Variants in RYR2 observed in about 807,000 individuals in gnomAD.
The protein encoded by RYR2 is cardiac muscle ryanodine receptor-calcium release channel.
Under a neutral mutation model 601.1 loss-of-function variants are expected in RYR2, and 227 were observed. The ratio of observed to expected loss-of-function variants is 0.38; its 90% confidence interval spans 0.34 to 0.42. The LOEUF is 0.42. RYR2 is among the 10% of genes least tolerant of loss of function. RYR2 has a pLI of 1.00. For missense variants in RYR2, 4,646 were observed against 6,156.5 expected (o/e 0.75, Z 8.21); for synonymous variants, 2,223 against 2,175.1 (o/e 1.02, Z -0.61).
At chr1:237,794,131 T>A in intron 95 of RYR2, 134 bp downstream of exon 95, 1 of 750,030 alleles carries the variant, frequency 1.3e-6, no homozygotes, top group Non-Finnish European at 2.1e-6. Context: ...AAGAAAAATC[T>A]AAAGACTCAG....
rs576255347 is a variant in RYR2 at position 237,050,039 on chromosome 1, A to G, written c.48+7470A>G. Among the ~76,000 whole-genome samples the G allele has an allele frequency of 1.3e-4, 20 of 152,250 alleles. No individual in the cohort carries two copies. In the East Asian group the frequency reaches 1.4e-3, roughly 10 times the overall value. On this transcript the variant is annotated intron_variant, in intron 1 of 104. Transcript: ENST00000366574. ...AAAGTTCTGTAGTGGTGTTGCTGCA[A>G]TGAAATGGAAGTCCAAGGCATTCCC...
intron 1 of RYR2, among the ~76,000 whole-genome samples, chr1:237,214,601 G>C (rs114885332): frequency 6.6e-6 from 1 of 152,100 alleles, no homozygotes; most frequent in Non-Finnish European, 1.5e-5. Context: ...ACTTCCTACC[G>C]GGTTCCACCT....
intron 104 of RYR2, among the ~76,000 whole-genome samples, chr1:237,832,202 C>CTT (rs34580579): frequency 1.3e-5 from 2 of 148,544 alleles, no homozygotes; most frequent in Non-Finnish European, 3.0e-5. Flanking sequence ...CCACACCTGG[C>CTT]TTTTTTTTGT....
intron 2 of RYR2, among the ~76,000 whole-genome samples, chr1:237,310,823 C>T (rs1394956130): frequency 6.6e-6 from 1 of 152,112 alleles, no homozygotes; most frequent in African/African-American, 2.4e-5. Context: ...TTAATATTTA[C>T]TACACAGTTT....
chr1:237,675,434 T>C (rs1226675138), intron 60 of RYR2, among the ~76,000 whole-genome samples: 1 of 152,198 alleles, frequency 6.6e-6, no homozygotes, highest in Admixed American at 6.5e-5. Context: ...TTCTGTTATT[T>C]TGTGGTCCTC....
intron 96 of RYR2, among the ~76,000 whole-genome samples, chr1:237,795,787 C>A (rs1026151230): frequency 3.4e-5 from 5 of 149,150 alleles, no homozygotes; most frequent in Admixed American, 6.7e-5. Context: ...AATGGCCGGG[C>A]GCGGTGGCTC....
intron 41 of RYR2, among the ~76,000 whole-genome samples, chr1:237,629,722 C>T (rs1472007226): frequency 6.6e-6 from 1 of 152,006 alleles, no homozygotes; most frequent in Non-Finnish European, 1.5e-5. Context: ...AACTCAAATA[C>T]AATCCTGAGG....
intron 3 of RYR2, 93 bp from the exon 4 acceptor site, chr1:237,355,872 C>T (rs1390710775): frequency 8.6e-7 from 1 of 1,156,916 alleles, no homozygotes; most frequent in Non-Finnish European, 1.2e-6. Flanking sequence ...GGTGCAAGGA[C>T]CAAATTGATA....
intron 98 of RYR2, chr1:237,802,152 T>G (rs2149420575): frequency 3.0e-6 from 1 of 337,620 alleles, no homozygotes; most frequent in East Asian, 4.5e-5. Flanking sequence ...GAGATGCAGA[T>G]TTGTGAGTAC....
At position 237,819,399 on chromosome 1, in the gene RYR2, T is replaced by C. The variant is rs754577170; in HGVS notation, c.14590+207T>C. 7.5e-4 allele frequency among the ~76,000 whole-genome samples: 114 copies of C among 152,346 alleles called. No homozygotes were observed. Among genetic ancestry groups the C allele is most frequent in the Non-Finnish European group, 1.3e-3 (86 of 68,042 alleles). On this transcript the variant is annotated intron_variant, in intron 101 of 104. Coordinates refer to ENST00000366574, the MANE Select transcript of RYR2 (RefSeq NM_001035.3). This position sits in a 1 kb window ranked among gnomAD's most constrained non-coding sequence, Gnocchi z 4.0. Reference sequence around the variant, plus strand: ...CTGGTATGAAGGGAAGATACAGTGTTATTTTGTCTTCTTTCAAATAACATA... The same window carrying C: ...CTGGTATGAAGGGAAGATACAGTGTCATTTTGTCTTCTTTCAAATAACATA...
chr1:237,315,242 A>G (rs1178199882), intron 2 of RYR2, among the ~76,000 whole-genome samples: 3 of 152,258 alleles, frequency 2.0e-5, no homozygotes, highest in African/African-American at 4.8e-5. Context: ...TATTTCCTAC[A>G]AGGCTGCACT....
In RYR2 at chr1:237,149,924, C is replaced by T. The variant is rs77056592; in HGVS notation, c.48+107355C>T. ...TACATATGCTGGCCCATTTTCCACC[C>T]GAGATAGCTCATTAGGGGGGTTTTG... On this transcript the variant is annotated intron_variant, in intron 1 of 104. Transcript: ENST00000366574. 2.9e-3 allele frequency among the ~76,000 whole-genome samples: 443 copies of T among 152,260 alleles called. 2 individuals carry two copies. Among genetic ancestry groups the T allele is most frequent in the African/African-American group, 0.01 (419 of 41,550 alleles).
chr1:237,567,068 C>G (rs75979007), intron 28 of RYR2, among the ~76,000 whole-genome samples: 1 of 151,924 alleles, frequency 6.6e-6, no homozygotes. Flanking sequence ...TATACATTGA[C>G]GCAGCGATTC....
chr1:237,071,995 G>A (rs973545960), intron 1 of RYR2, among the ~76,000 whole-genome samples: 2 of 152,364 alleles, frequency 1.3e-5, no homozygotes, highest in African/African-American at 2.4e-5. Context: ...GCAGGCACTG[G>A]AGGTGGGGAA....
At chr1:237,541,278 AT>A (rs1669231771) in intron 25 of RYR2, among the ~76,000 whole-genome samples, 1 of 152,206 alleles carries the variant, frequency 6.6e-6, no homozygotes, top group Non-Finnish European at 1.5e-5. Context: ...TGTAGCCAGA[AT>A]GCAGCCTGAC....
intron 6 of RYR2, 76 bp downstream of exon 6, chr1:237,369,684 A>G (rs1322461033): frequency 1.7e-6 from 2 of 1,184,730 alleles, no homozygotes; most frequent in Non-Finnish European, 2.4e-6. Context: ...AAATGCTGGT[A>G]GCATCATTTC....
At chr1:237,281,428 A>G (rs1690857314) in intron 2 of RYR2, among the ~76,000 whole-genome samples, 1 of 150,922 alleles carries the variant, frequency 6.6e-6, no homozygotes, top group African/African-American at 2.5e-5. Flanking sequence ...ACTTAGGAAA[A>G]CACTGATGTC....
chr1:237,515,902 TTCTCCC>T (rs1558953288), intron 24 of RYR2, among the ~76,000 whole-genome samples: 21 of 141,094 alleles, frequency 1.5e-4, no homozygotes, highest in Admixed American at 2.9e-4. Context: ...CCTCTTCTCC[TTCTCCC>T]TCTTCTCCCT....
chr1:237,167,493 T>G (rs1676839173), intron 1 of RYR2, among the ~76,000 whole-genome samples: 1 of 152,154 alleles, frequency 6.6e-6, no homozygotes, highest in Non-Finnish European at 1.5e-5. Context: ...TGCAATAACT[T>G]TTAGACTCGG....
Sources: gnomAD v4.1 joint callset for allele counts (sites outside exome capture counted in the v4.1 genomes callset) on GRCh38, gnomAD v4.1.1 for gene constraint, Gnocchi (gnomAD v3.1) non-coding constraint, MANE v1.5 for transcripts, NCBI Gene and HGNC (gene_info 2026-07-23, HGNC 2026-07-21) for gene names.